TRIM44: variants seen among roughly 807,000 people sequenced by gnomAD.
The protein encoded by TRIM44 is tripartite motif-containing protein 44.
TRIM44 carries 13 observed loss-of-function variants against 37.4 expected under a neutral mutation model. The ratio of observed to expected loss-of-function variants is 0.35; its 90% confidence interval spans 0.23 to 0.55. The LOEUF is 0.55. Ranked by LOEUF, TRIM44 falls within the 20% of genes least tolerant of loss-of-function variation. The pLI is 0.89. For synonymous variants in TRIM44, 175 were observed against 157.2 expected, an observed-to-expected ratio of 1.11 and a Z score of -0.85; for missense variants, 426 against 437.2, an observed-to-expected ratio of 0.97 and a Z score of 0.23.
chr11:35,682,536 G>A (rs1162025184), intron 1 of TRIM44, among the ~76,000 whole-genome samples: 1 of 152,146 alleles, frequency 6.6e-6, no homozygotes, highest in Non-Finnish European at 1.5e-5. Flanking sequence ...AAAAGCCTTT[G>A]GGAAAGGTTT....
chr11:35,697,851 C>T (rs9734552), intron 2 of TRIM44, among the ~76,000 whole-genome samples: 145,025 of 151,468 alleles, frequency 0.96, 69,621 homozygotes, highest in Non-Finnish European at 1. Context: ...TCCAGTCTAT[C>T]GTTGTTGGAC....
intron 4 of TRIM44, among the ~76,000 whole-genome samples, chr11:35,781,783 G>A (rs1853068385): frequency 1.3e-5 from 2 of 152,188 alleles, no homozygotes; most frequent in Non-Finnish European, 2.9e-5. Flanking sequence ...TTATGACCTC[G>A]AACATGGATC....
rs529730661 is a variant in TRIM44 at position 35,812,612 on chromosome 11, G to A, written c.*6227G>A. 1 of 152,148 alleles carries A rather than the reference G, an allele frequency of 6.6e-6. No homozygotes were observed. Among genetic ancestry groups the A allele is most frequent in the Admixed American group, 6.5e-5 (1 of 15,268 alleles). 9.4% of individuals were successfully genotyped at this position (152,148 alleles called of 1,614,324 possible). ...AGCGGGAAGCCAGAATTTAAACCCAGGTCTAGCAGACTTCACAGCCTCTTT... is the reference window on the plus strand; with the variant it reads ...AGCGGGAAGCCAGAATTTAAACCCAAGTCTAGCAGACTTCACAGCCTCTTT... On this transcript the variant is annotated 3_prime_UTR_variant, in exon 5 of 5. Transcript: ENST00000299413.
At chr11:35,717,002 AAGGT>A (rs1852046274) in intron 2 of TRIM44, among the ~76,000 whole-genome samples, 1 of 152,198 alleles carries the variant, frequency 6.6e-6, no homozygotes, top group Non-Finnish European at 1.5e-5. Context: ...GCACTGAAAA[AAGGT>A]AGCAGTGATA....
Position 35,746,611 on chromosome 11 carries a change from G to A in TRIM44, c.1007+11166G>A, listed in dbSNP as rs148231338. Among the ~76,000 whole-genome samples the A allele has an allele frequency of 2.4e-4, 37 of 152,144 alleles. No homozygotes were observed. The East Asian group carries it at 6.0e-3, about 25-fold the overall frequency. On this transcript the variant is annotated intron_variant, in intron 4 of 4. Coordinates refer to ENST00000299413, the MANE Select transcript of TRIM44 (RefSeq NM_017583.6). ...CCTAGATGATGTGAAGTTCAGAGTC[G>A]ATGAGTGCAGATTTTCTTAAAATTA...
chr11:35,795,575 T>C (rs909943740), intron 4 of TRIM44, among the ~76,000 whole-genome samples: 1 of 152,270 alleles, frequency 6.6e-6, no homozygotes, highest in East Asian at 1.9e-4. Flanking sequence ...GCTGTCACCG[T>C]CTTTATTTTT....
chr11:35,743,003 C>G (rs1268218974), intron 4 of TRIM44, among the ~76,000 whole-genome samples: 1 of 151,584 alleles, frequency 6.6e-6, no homozygotes, highest in African/African-American at 2.4e-5. Flanking sequence ...TAATGATTCT[C>G]TGAAAAAAAT....
At chr11:35,757,916 C>A (rs930936865) in intron 4 of TRIM44, among the ~76,000 whole-genome samples, 23 of 152,108 alleles carry the variant, frequency 1.5e-4, no homozygotes, top group Non-Finnish European at 3.2e-4. Context: ...ACTTTACTTC[C>A]CACTATGCGG....
chr11:35,746,202 C>T (rs1852488360), intron 4 of TRIM44, among the ~76,000 whole-genome samples: 1 of 152,174 alleles, frequency 6.6e-6, no homozygotes, highest in Non-Finnish European at 1.5e-5. Flanking sequence ...TTTGGATTAG[C>T]ACTAAGCAGA....
intron 4 of TRIM44, among the ~76,000 whole-genome samples, chr11:35,748,556 C>A (rs1188992008): frequency 6.6e-6 from 1 of 152,182 alleles, no homozygotes; most frequent in Non-Finnish European, 1.5e-5. Context: ...TGTACTGAAT[C>A]TTATCCTATT....
intron 1 of TRIM44, among the ~76,000 whole-genome samples, chr11:35,681,261 A>G (rs1851518789): frequency 6.6e-6 from 1 of 152,212 alleles, no homozygotes. Context: ...TAAAGTGAGA[A>G]TACACTGCTT....
intron 2 of TRIM44, among the ~76,000 whole-genome samples, chr11:35,716,967 C>T (rs1354076608): frequency 6.6e-6 from 1 of 152,098 alleles, no homozygotes; most frequent in Non-Finnish European, 1.5e-5. Flanking sequence ...ACATAAAGTG[C>T]TTAGAATAGT....
In TRIM44 at chr11:35,663,610, A is replaced by G. The variant is rs2135479356; in HGVS notation, c.499A>G (p.Ile167Val). The change falls in exon 1 of 5, where the codon ATA (isoleucine) becomes GTA (valine). Residue 167 changes from isoleucine (I) to valine (V), a missense_variant. Physicochemically the swap from Ile to Val is conservative, Grantham distance 29. Coordinates refer to ENST00000299413, the MANE Select transcript of TRIM44 (RefSeq NM_017583.6). ...TEAESEFDPE[I>V]EMEAERVAKR... ...GGCAGAAAGTGAATTTGACCCAGAAATAGAAATGGAAGCAGAGAGAGTGGC... is the reference window on the plus strand; with the variant it reads ...GGCAGAAAGTGAATTTGACCCAGAAGTAGAAATGGAAGCAGAGAGAGTGGC... 6.2e-7 allele frequency: 1 copy of G among 1,614,142 alleles called. No homozygotes were observed. Among genetic ancestry groups the G allele is most frequent in the East Asian group, 2.2e-5 (1 of 44,856 alleles).
At chr11:35,744,920 A>G (rs547122131) in intron 4 of TRIM44, among the ~76,000 whole-genome samples, 1 of 152,310 alleles carries the variant, frequency 6.6e-6, no homozygotes, top group African/African-American at 2.4e-5. Context: ...CTGTGGCTGC[A>G]TAGTATTCCA....
At chr11:35,767,265 AGATGGT>A (rs1417855782) in intron 4 of TRIM44, among the ~76,000 whole-genome samples, 1 of 152,190 alleles carries the variant, frequency 6.6e-6, no homozygotes, top group African/African-American at 2.4e-5. Context: ...TCTTTTAGTT[AGATGGT>A]GATGGTGAAA....
intron 4 of TRIM44, among the ~76,000 whole-genome samples, chr11:35,755,114 C>T (rs1227049267): frequency 2.0e-5 from 3 of 152,194 alleles, no homozygotes; most frequent in African/African-American, 7.2e-5. Flanking sequence ...AGTTTACACT[C>T]CCACCAACAG....
At chr11:35,799,881 T>G (rs1327048934) in intron 4 of TRIM44, among the ~76,000 whole-genome samples, 2 of 152,170 alleles carry the variant, frequency 1.3e-5, no homozygotes, top group Non-Finnish European at 2.9e-5. Context: ...GCCCTTCTCC[T>G]TGTGGTTTAA....
Position 35,806,607 on chromosome 11 carries a change from G to A in TRIM44, c.*222G>A. ...TGGTTGTGGTAGGTCAAGGAAAAGA[G>A]CCCCTTTGATCCACCAGGAGCAATT... is the stretch of plus-strand genomic sequence containing the variant. On this transcript the variant is annotated 3_prime_UTR_variant, in exon 5 of 5. Coordinates refer to ENST00000299413, the MANE Select transcript of TRIM44 (RefSeq NM_017583.6). 2 of 548,354 alleles carry A rather than the reference G, an allele frequency of 3.6e-6. No homozygotes were observed. The highest frequency in any genetic ancestry group is 2.5e-5 in the South Asian group (1 of 39,594). 34.0% of individuals were successfully genotyped at this position (548,354 alleles called of 1,614,324 possible).
Position 35,662,900 on chromosome 11 carries a change from G to A in TRIM44, c.-212G>A. The A allele has an allele frequency of 1.3e-6, 1 of 758,302 alleles. No homozygotes were observed. The highest frequency in any genetic ancestry group is 1.8e-6 in the Non-Finnish European group (1 of 544,782). The allele number at this position is 758,302 out of a possible 1,614,324, so 47.0% of individuals were successfully genotyped here. A position where few individuals can be genotyped will look rare whatever the true frequency, so the allele number is the denominator to read the frequency against. ...GCGGCAGAGGAAGCGCAGGGACAGAGCGGAGCAGGCCGAGCCGGCGGAAAG... is the reference window on the plus strand; with the variant it reads ...GCGGCAGAGGAAGCGCAGGGACAGAACGGAGCAGGCCGAGCCGGCGGAAAG... On this transcript the variant is annotated 5_prime_UTR_variant, in exon 1 of 5. Transcript: ENST00000299413.
Sources: gnomAD v4.1 joint callset for allele counts (sites outside exome capture counted in the v4.1 genomes callset) on GRCh38, gnomAD v4.1.1 for gene constraint, MANE v1.5 for transcripts, NCBI Gene and HGNC (gene_info 2026-07-23, HGNC 2026-07-21) for gene names.